Variants in OXR1 observed in about 807,000 individuals in gnomAD.
OXR1 encodes the protein oxidation resistance protein 1.
A neutral mutation model predicts 104.6 loss-of-function variants in OXR1; 41 were observed. That is an observed-to-expected ratio of 0.39 (90% CI 0.31 to 0.51). The LOEUF (loss-of-function observed/expected upper bound fraction) is 0.51. Ranked by LOEUF, OXR1 falls within the 20% of genes least tolerant of loss-of-function variation. The pLI, the probability that OXR1 is intolerant of heterozygous loss-of-function variation, is 0.77. For missense variants in OXR1, 955 were observed against 1,031.9 expected, an observed-to-expected ratio of 0.93 and a Z score of 1.02; for synonymous variants, 348 against 348.4, an observed-to-expected ratio of 1.00 and a Z score of 0.01.
intron 1 of OXR1, among the ~76,000 whole-genome samples, chr8:106,300,514 C>G (rs1813187899): frequency 6.6e-6 from 1 of 151,560 alleles, no homozygotes; most frequent in African/African-American, 2.4e-5. Context: ...TATACTAGAT[C>G]CTACAGTTAA....
At chr8:106,633,785 G>T (rs1822907165) in intron 3 of OXR1, among the ~76,000 whole-genome samples, 1 of 152,204 alleles carries the variant, frequency 6.6e-6, no homozygotes, top group South Asian at 2.1e-4. Context: ...AATTCAGAAT[G>T]TACATTGCTG....
At chr8:106,403,669 A>C (rs932618639) in intron 2 of OXR1, among the ~76,000 whole-genome samples, 2 of 152,186 alleles carry the variant, frequency 1.3e-5, no homozygotes, top group Non-Finnish European at 2.9e-5. Flanking sequence ...TGGCATTTCC[A>C]ACTTGTTCAC....
intron 3 of OXR1, among the ~76,000 whole-genome samples, chr8:106,587,297 C>T (rs3110774): frequency 0.3 from 44,959 of 151,418 alleles, 6,869 homozygotes; most frequent in Middle Eastern, 0.34. Context: ...AAAGTAGGGA[C>T]CAAGATTATC....
At chr8:106,388,909 G>T (rs1817489612) in intron 2 of OXR1, among the ~76,000 whole-genome samples, 1 of 152,208 alleles carries the variant, frequency 6.6e-6, no homozygotes, top group Non-Finnish European at 1.5e-5. Context: ...AGATCTTTCT[G>T]TTCTCTCCCA....
At chr8:106,456,685 A>G (rs1049659477) in intron 2 of OXR1, among the ~76,000 whole-genome samples, 18 of 152,192 alleles carry the variant, frequency 1.2e-4, no homozygotes, top group African/African-American at 3.6e-4. Context: ...CCATGATAAC[A>G]TAACAATACA....
At chr8:106,611,479 T>C (rs1175996776) in intron 3 of OXR1, among the ~76,000 whole-genome samples, 2 of 152,156 alleles carry the variant, frequency 1.3e-5, no homozygotes, top group Non-Finnish European at 2.9e-5. Flanking sequence ...GGGCTGCATT[T>C]TGTATGGAGG....
chr8:106,288,626 A>G (rs1256998712), intron 1 of OXR1, among the ~76,000 whole-genome samples: 1 of 148,452 alleles, frequency 6.7e-6, no homozygotes, highest in Non-Finnish European at 1.5e-5. Flanking sequence ...ATATACACAT[A>G]CATTATATAT....
chr8:106,281,646 A>G (rs191921250), intron 1 of OXR1, among the ~76,000 whole-genome samples: 1 of 152,224 alleles, frequency 6.6e-6, no homozygotes, highest in African/African-American at 2.4e-5. Context: ...CTAAAAATAT[A>G]AAAATTAGCC....
At chr8:106,289,546 A>C (rs898868126) in intron 1 of OXR1, among the ~76,000 whole-genome samples, 2 of 152,238 alleles carry the variant, frequency 1.3e-5, no homozygotes, top group East Asian at 3.8e-4. Flanking sequence ...TTCAATGCTC[A>C]TGGATTGGAA....
At chr8:106,491,237 T>C (rs1811063442) in intron 2 of OXR1, among the ~76,000 whole-genome samples, 1 of 152,226 alleles carries the variant, frequency 6.6e-6, no homozygotes. Context: ...CTTTTTCATT[T>C]TCTTCTGACT....
chr8:106,481,480 A>G (rs942761612), intron 2 of OXR1, among the ~76,000 whole-genome samples: 1 of 152,044 alleles, frequency 6.6e-6, no homozygotes, highest in East Asian at 1.9e-4. Context: ...AAAGTGTTTT[A>G]ATAGCTCCAG....
rs545823659 is a variant in OXR1 at position 106,421,919 on chromosome 8, A to G, written c.23+62283A>G. The stretch of plus-strand genomic sequence containing the variant: ...TATAAGAGTGGCTAGTGCTAATTAT[A>G]CCCCAGTGTTCTGATTATTTGGCTG... On this transcript the variant is annotated intron_variant, in intron 2 of 16. Transcript: ENST00000517566. Among the ~76,000 whole-genome samples the G allele has an allele frequency of 8.6e-5, 13 of 151,378 alleles. No individual in the cohort carries two copies. The Middle Eastern group carries it at 0.01, about 119-fold the overall frequency.
chr8:106,532,749 A>C (rs1814187942), intron 3 of OXR1, among the ~76,000 whole-genome samples: 1 of 152,188 alleles, frequency 6.6e-6, no homozygotes, highest in Non-Finnish European at 1.5e-5. Flanking sequence ...ATAGAAGCTA[A>C]CCTTTTCATT....
intron 7 of OXR1, chr8:106,697,812 A>G (rs1237234085): frequency 2.5e-6 from 4 of 1,612,460 alleles, no homozygotes; most frequent in African/African-American, 1.3e-5. Context: ...GGTACAGTGC[A>G]TTATTGAGCT....
At position 106,434,256 on chromosome 8, in the gene OXR1, C is replaced by G. The variant is rs556790887; in HGVS notation, c.23+74620C>G. Among the ~76,000 whole-genome samples, 7 of 152,186 alleles carry G rather than the reference C, an allele frequency of 4.6e-5. No homozygotes were observed. In the South Asian group the frequency reaches 8.3e-4, roughly 18 times the overall value. ...TAAGATCATTTGAATTACTGTGGCC[C>G]CAGTGGTAATAGGCAACACTACTCT... On this transcript the variant is annotated intron_variant, in intron 2 of 16. Transcript: ENST00000517566.
At chr8:106,417,975 GC>G (rs147965139) in intron 2 of OXR1, among the ~76,000 whole-genome samples, 7,090 of 152,126 alleles carry the variant, frequency 0.047, 544 homozygotes, top group African/African-American at 0.16. Context: ...GAAGCTGAGG[GC>G]TTTGTGGAGA....
chr8:106,743,053 G>A (rs1835054827), intron 15 of OXR1, among the ~76,000 whole-genome samples: 1 of 152,018 alleles, frequency 6.6e-6, no homozygotes, highest in Admixed American at 6.6e-5. Context: ...ATCTGACAAA[G>A]GTCTAATATC....
chr8:106,746,853 T>G (rs982053854), intron 16 of OXR1, among the ~76,000 whole-genome samples: 2 of 152,126 alleles, frequency 1.3e-5, no homozygotes, highest in Non-Finnish European at 2.9e-5. Context: ...CTGTTAGCTC[T>G]CCAACAGGTC....
At chr8:106,681,782 TC>T (rs1828179627) in intron 4 of OXR1, among the ~76,000 whole-genome samples, 1 of 152,002 alleles carries the variant, frequency 6.6e-6, no homozygotes, top group Admixed American at 6.6e-5. Flanking sequence ...GCCTCAGCCT[TC>T]CAAAATGCTG....
Sources: allele counts gnomAD v4.1 joint callset (sites outside exome capture counted in the v4.1 genomes callset), GRCh38; gene constraint gnomAD v4.1.1; transcripts MANE v1.5; gene names NCBI Gene and HGNC (gene_info 2026-07-23, HGNC 2026-07-21).